Variants in NLRP8 observed in about 807,000 individuals in gnomAD.
NLRP8 encodes NLR family pyrin domain containing 8.
Under a neutral mutation model 88.7 loss-of-function variants are expected in NLRP8, and 86 were observed. That is an observed-to-expected ratio of 0.97 (90% CI 0.81 to 1.16). The LOEUF is 1.16. Among genes scored for constraint, NLRP8 ranks in the 50% most tolerant of loss-of-function variants. The pLI is 0.00. For missense variants in NLRP8, 1,342 were observed against 1,286.5 expected (o/e 1.04, Z -0.66); for synonymous variants, 504 against 494.6 (o/e 1.02, Z -0.25).
chr19:55,983,818 C>CAAA, intron 9 of NLRP8, among the ~76,000 whole-genome samples: 1 of 84,656 alleles, frequency 1.2e-5, no homozygotes, highest in African/African-American at 4.5e-5. Flanking sequence ...CTAGTAGATG[C>CAAA]AAAAAAAAAA....
At chr19:55,986,685 C>T (rs983685161) in intron 9 of NLRP8, among the ~76,000 whole-genome samples, 6 of 152,198 alleles carry the variant, frequency 3.9e-5, no homozygotes, top group African/African-American at 1.4e-4. Context: ...AGCCAATGAG[C>T]AGCAGCAACA....
At position 55,954,632 on chromosome 19, in the gene NLRP8, C is replaced by T. The variant is rs1279928273; in HGVS notation, c.574C>T (p.Leu192=). 3 of 1,614,110 alleles carry T rather than the reference C, an allele frequency of 1.9e-6. No individual in the cohort carries two copies. The highest frequency in any genetic ancestry group is 2.5e-6 in the Non-Finnish European group (3 of 1,180,058). ...CAGGCACGAGGAGTACTTACCATGT[C>T]TGCTTCTGCCCAAAAGACCCCAGGG... is the stretch of plus-strand genomic sequence containing the variant. The change falls in exon 3 of 10, where the codon CTG becomes TTG. Residue 192 remains leucine (L), a synonymous_variant. Coordinates refer to ENST00000291971, the MANE Select transcript of NLRP8 (RefSeq NM_176811.2).
At chr19:55,964,564 C>T (rs1009103616) in intron 4 of NLRP8, among the ~76,000 whole-genome samples, 2 of 152,052 alleles carry the variant, frequency 1.3e-5, no homozygotes. Context: ...CCAGCCTGGG[C>T]AACACGGTGA....
intron 1 of NLRP8, among the ~76,000 whole-genome samples, chr19:55,951,811 A>G (rs1979107058): frequency 1.3e-5 from 2 of 152,172 alleles, no homozygotes; most frequent in South Asian, 4.1e-4. Context: ...GTGGAGTGGT[A>G]TGATCATGGC....
intron 3 of NLRP8, among the ~76,000 whole-genome samples, chr19:55,957,780 T>C (rs1979445365): frequency 6.7e-6 from 1 of 148,816 alleles, no homozygotes; most frequent in Non-Finnish European, 1.5e-5. Flanking sequence ...AGTCCAGTCC[T>C]TCATTTAGTG....
At chr19:55,959,335 C>G (rs1273900651) in intron 3 of NLRP8, among the ~76,000 whole-genome samples, 4 of 151,728 alleles carry the variant, frequency 2.6e-5, no homozygotes, top group Non-Finnish European at 4.4e-5. Context: ...CCTCAGCCTC[C>G]CCAGTAGCTG....
intron 3 of NLRP8, among the ~76,000 whole-genome samples, chr19:55,957,788 G>C (rs1979445479): frequency 1.4e-5 from 2 of 147,408 alleles, no homozygotes; most frequent in African/African-American, 5.1e-5. Context: ...CCTTCATTTA[G>C]TGCTCAGTAG....
intron 5 of NLRP8, among the ~76,000 whole-genome samples, chr19:55,968,088 A>T (rs1203538702): frequency 6.6e-6 from 1 of 152,236 alleles, no homozygotes; most frequent in Non-Finnish European, 1.5e-5. Context: ...ACATGAATTT[A>T]ATATAATTTT....
intron 5 of NLRP8, among the ~76,000 whole-genome samples, chr19:55,968,362 C>T (rs1397954637): frequency 6.6e-6 from 1 of 152,058 alleles, no homozygotes; most frequent in African/African-American, 2.4e-5. Context: ...TTGCTTGAAC[C>T]CGGGAGGCGG....
intron 1 of NLRP8, among the ~76,000 whole-genome samples, chr19:55,948,897 T>C (rs1880616754): frequency 6.6e-6 from 1 of 152,196 alleles, no homozygotes; most frequent in African/African-American, 2.4e-5. Context: ...AGGAGTGCTA[T>C]ATTTAAAGCA....
chr19:55,975,176 A>G (rs1336142378), intron 7 of NLRP8, among the ~76,000 whole-genome samples: 1 of 152,228 alleles, frequency 6.6e-6, no homozygotes, highest in African/African-American at 2.4e-5. Context: ...ACATGAGAAT[A>G]TGAGCTGCTA....
In NLRP8 at chr19:55,966,318, C is replaced by T. The variant is rs1156611031; in HGVS notation, c.2319C>T (p.Ser773=). Reference sequence around the variant, plus strand: ...AAATACAACATGTGGAAGTGGAGTCCAAAGCTGTGAAGCTTCTATGCAGGG... The same window carrying T: ...AAATACAACATGTGGAAGTGGAGTCTAAAGCTGTGAAGCTTCTATGCAGGG... The change falls in exon 5 of 10, where the codon TCC becomes TCT. Residue 773 remains serine (S), a synonymous_variant. Transcript: ENST00000291971. 3 of 1,613,990 alleles carry T rather than the reference C, an allele frequency of 1.9e-6. No homozygotes were observed. Among genetic ancestry groups the T allele is most frequent in the South Asian group, 1.1e-5 (1 of 91,072 alleles).
chr19:55,984,728 T>C (rs1000837781), intron 9 of NLRP8, among the ~76,000 whole-genome samples: 1 of 151,266 alleles, frequency 6.6e-6, no homozygotes, highest in Non-Finnish European at 1.5e-5. Flanking sequence ...TCCCACCCCT[T>C]TGGGAGGCCA....
chr19:55,965,758 A>C (rs1243708572), intron 4 of NLRP8, among the ~76,000 whole-genome samples: 1 of 151,980 alleles, frequency 6.6e-6, no homozygotes, highest in East Asian at 1.9e-4. Flanking sequence ...TGCACCCATC[A>C]ACTCATCATC....
intron 1 of NLRP8, among the ~76,000 whole-genome samples, chr19:55,949,534 G>A (rs371348102): frequency 6.6e-6 from 1 of 152,160 alleles, no homozygotes; most frequent in Non-Finnish European, 1.5e-5. Flanking sequence ...CACCACACCC[G>A]GCCTAGATAT....
At position 55,970,548 on chromosome 19, in the gene NLRP8, G is replaced by A. The variant is rs1980028502; in HGVS notation, c.2386G>A (p.Glu796Lys). The A allele has an allele frequency of 1.2e-6, 2 of 1,613,990 alleles. No homozygotes were observed. The highest frequency in any genetic ancestry group is 2.7e-5 in the African/African-American group (2 of 74,916). Reference sequence around the variant, plus strand: ...ATTTGTATCTGGCTTCTACAGGTTGGAAGACTGCTTGGCCACCCCTAGAAT... The same window carrying A: ...ATTTGTATCTGGCTTCTACAGGTTGAAAGACTGCTTGGCCACCCCTAGAAT... Residue 796 changes from glutamate to lysine, a missense_variant, in exon 6 of 10, where the codon GAA (glutamate) becomes AAA (lysine). Glu to Lys is a moderately conservative substitution (Grantham distance 56). Coordinates refer to ENST00000291971, the MANE Select transcript of NLRP8 (RefSeq NM_176811.2).
rs529408284 is a variant in NLRP8 at position 55,947,962 on chromosome 19, C to G, written c.60C>G (p.His20Gln). 1 of 1,614,002 alleles carries G rather than the reference C, an allele frequency of 6.2e-7. No homozygotes were observed. The highest frequency in any genetic ancestry group is 1.7e-5 in the Admixed American group (1 of 59,990). Residue 20 changes from histidine (H) to glutamine (Q), a missense_variant, in exon 1 of 10, where the codon CAC (histidine) becomes CAG (glutamine). Physicochemically the swap from His to Gln is conservative, Grantham distance 24. Coordinates refer to ENST00000291971, the MANE Select transcript of NLRP8 (RefSeq NM_176811.2). The stretch of plus-strand genomic sequence containing the variant: ...TTCCCTTTTCATCCTCCTCCACTCA[C>G]AGTTCTCATATTCCGCCCTGGACAT...
At position 55,955,575 on chromosome 19, in the gene NLRP8, C is replaced by T. The variant is rs1460848554; in HGVS notation, c.1517C>T (p.Thr506Ile). ...GGTGAGGAAGACCACTATGTCTTTACCCTCGTGACTTTTCAGGAATTTTTT... is the reference window on the plus strand; with the variant it reads ...GGTGAGGAAGACCACTATGTCTTTATCCTCGTGACTTTTCAGGAATTTTTT... Residue 506 changes from threonine (T) to isoleucine (I), a missense_variant, in exon 3 of 10, where the codon ACC (threonine) becomes ATC (isoleucine). By Grantham distance (89) the Thr-to-Ile change is moderately conservative (BLOSUM62 -1). Coordinates refer to ENST00000291971, the MANE Select transcript of NLRP8 (RefSeq NM_176811.2). 6.2e-7 allele frequency: 1 copy of T among 1,614,192 alleles called. No homozygotes were observed. Among genetic ancestry groups the T allele is most frequent in the Admixed American group, 1.7e-5 (1 of 60,014 alleles).
At chr19:55,974,001 G>A (rs912611075) in intron 7 of NLRP8, among the ~76,000 whole-genome samples, 179 bp downstream of exon 7, 38 of 152,192 alleles carry the variant, frequency 2.5e-4, no homozygotes, top group African/African-American at 8.0e-4. Flanking sequence ...CTGATTCAGG[G>A]ACAAGTGATC....
Sources: allele counts gnomAD v4.1 joint callset (sites outside exome capture counted in the v4.1 genomes callset), GRCh38; gene constraint gnomAD v4.1.1; transcripts MANE v1.5; gene names NCBI Gene and HGNC (gene_info 2026-07-23, HGNC 2026-07-21).